Variants in PPRC1 observed in about 807,000 individuals in gnomAD.
PPRC1 encodes the protein peroxisome proliferator-activated receptor gamma coactivator-related protein 1.
Under a neutral mutation model 132.5 loss-of-function variants are expected in PPRC1, and 23 were observed. The observed-to-expected ratio is 0.17, with a 90% CI of 0.12 to 0.25. PPRC1 has a LOEUF of 0.25. Among genes scored for constraint, PPRC1 ranks in the 10% least tolerant of loss-of-function variants. The probability of loss-of-function intolerance (pLI) is 1.00; values close to 1 mark genes in which losing one functional copy is unlikely to be tolerated. For synonymous variants in PPRC1, 872 were observed against 833.5 expected, an observed-to-expected ratio of 1.05 and a Z score of -0.80; for missense variants, 2,006 against 2,089.1, an observed-to-expected ratio of 0.96 and a Z score of 0.78.
At position 102,139,428 on chromosome 10, in the gene PPRC1, A is replaced by G; in HGVS notation, c.920A>G (p.Glu307Gly). ...GATGAGAGCATCTCCTCCCTGAGTG[A>G]GCTGGTGCGGGCCATGCACCCATAC... ...AGDESISSLS[E>G]LVRAMHPYCL... The change falls in exon 5 of 14, where the codon GAG becomes GGG. Residue 307 changes from glutamate (E) to glycine (G), a missense_variant. Glu to Gly is a moderately conservative substitution (Grantham distance 98). Coordinates refer to ENST00000278070, the MANE Select transcript of PPRC1 (RefSeq NM_015062.5). 3.1e-6 allele frequency: 5 copies of G among 1,614,212 alleles called. No individual in the cohort carries two copies. The highest frequency in any genetic ancestry group is 4.2e-6 in the Non-Finnish European group (5 of 1,180,044).
intron 1 of PPRC1, among the ~76,000 whole-genome samples, chr10:102,134,333 C>G (rs992983785): frequency 6.6e-6 from 1 of 152,058 alleles, no homozygotes; most frequent in Non-Finnish European, 1.5e-5. Flanking sequence ...GAGAACTGTT[C>G]AACATGTTCA....
In PPRC1 at chr10:102,148,471, A is replaced by T. The variant is rs1387352153; in HGVS notation, c.4500A>T (p.Arg1500=). The part of the protein sequence containing the change: ...SSSSSSSSSS[R]SRSRSPSPRR... The stretch of plus-strand genomic sequence containing the variant: ...CCTCATCCTCATCATCCAGTTCTCG[A>T]AGCCGCTCACGATCCCCATCCCCCC... The change falls in exon 10 of 14, where the codon CGA becomes CGT. Residue 1500 remains arginine (R), a synonymous_variant. Transcript: ENST00000278070. The surrounding 1 kb of genome is among the most constrained non-coding windows in gnomAD (Gnocchi z 4.2). 4 of 1,612,992 alleles carry T rather than the reference A, an allele frequency of 2.5e-6. No individual in the cohort carries two copies. The highest frequency in any genetic ancestry group is 1.7e-5 in the Admixed American group (1 of 60,018).
chr10:102,147,441 ACTT>A lies in PPRC1; in HGVS notation c.4400+52_4400+54del, dbSNP rs760253123. 10 of 1,531,170 alleles carry A rather than the reference ACTT, an allele frequency of 6.5e-6. No individual in the cohort carries two copies. The South Asian group carries it at 1.2e-4, about 19-fold the overall frequency. 94.8% of individuals were successfully genotyped at this position (1,531,170 alleles called of 1,614,324 possible). A position where few individuals can be genotyped will look rare whatever the true frequency, so the allele number is the denominator to read the frequency against. On this transcript the variant is annotated intron_variant, in intron 9 of 13. Transcript: ENST00000278070. ...TCCTCTCCATTTAGGAAGTTCACGT[ACTT>A]CTGTGGTTTACTTTGAAAGCTTTTA... is the stretch of plus-strand genomic sequence containing the variant.
At chr10:102,132,581 G>A (rs1481075471), upstream of PPRC1, among the ~76,000 whole-genome samples, 1 of 152,240 alleles carries the variant, frequency 6.6e-6, no homozygotes, top group African/African-American at 2.4e-5. Flanking sequence ...TTGCAGTACT[G>A]CCGCAATATG....
upstream of PPRC1, among the ~76,000 whole-genome samples, chr10:102,132,270 C>G (rs2815402): frequency 0.56 from 85,468 of 152,160 alleles, 27,068 homozygotes; most frequent in African/African-American, 0.87. Flanking sequence ...TTAAAAATAG[C>G]AAATATGAAG....
At chr10:102,138,508 C>T in intron 2 of PPRC1, 111 bp from the exon 3 acceptor site, 1 of 1,318,526 alleles carries the variant, frequency 7.6e-7, no homozygotes, top group Non-Finnish European at 1.0e-6. Flanking sequence ...TCTCGCTGCC[C>T]CATTAGCTGA....
At chr10:102,143,194 A>T in intron 6 of PPRC1, 96 bp downstream of exon 6, 1 of 1,183,760 alleles carries the variant, frequency 8.4e-7, no homozygotes, top group South Asian at 1.3e-5. Flanking sequence ...GAGAGGGGAC[A>T]GCCTTAGCCA....
At chr10:102,120,435 G>A in the PPRC1 span, 1 of 975,962 alleles carries the variant, frequency 1.0e-6, no homozygotes, top group Non-Finnish European at 1.2e-6. Context: ...GTCGCCGAGC[G>A]CCCCCCTCTC....
chr10:102,139,890 A>G lies in PPRC1; in HGVS notation c.1382A>G (p.Lys461Arg). 6.2e-7 allele frequency: 1 copy of G among 1,614,174 alleles called. No homozygotes were observed. Among genetic ancestry groups the G allele is most frequent in the Non-Finnish European group, 8.5e-7 (1 of 1,179,986 alleles). The part of the protein sequence containing the change: ...PGSQRARKGR[K>R]KKSKEQPAAC... ...TCCCAGAGAGCTCGAAAGGGCAGGA[A>G]GAAGAAGAGCAAGGAGCAGCCAGCA... The change falls in exon 5 of 14, where the codon AAG becomes AGG. Residue 461 changes from lysine to arginine, a missense_variant. Lys to Arg is a conservative substitution (Grantham distance 26). Transcript: ENST00000278070.
chr10:102,128,752 C>G (rs2068498966), upstream of PPRC1, among the ~76,000 whole-genome samples: 2 of 150,168 alleles, frequency 1.3e-5, no homozygotes, highest in African/African-American at 4.9e-5. Context: ...GTAGCTGGCA[C>G]TACAGGCACC....
At position 102,143,106 on chromosome 10, in the gene PPRC1, A is replaced by G. The variant is rs2069067796; in HGVS notation, c.3550+8A>G. On this transcript the variant is annotated splice_region_variant and intron_variant, in intron 6 of 13. Transcript: ENST00000278070. ...AGTTTGAGAAATCAGAAGGTGAGGGAACATGGGTAGTTTTGCTCCAACTCT... is the reference window on the plus strand; with the variant it reads ...AGTTTGAGAAATCAGAAGGTGAGGGGACATGGGTAGTTTTGCTCCAACTCT... 1.9e-6 allele frequency: 3 copies of G among 1,611,242 alleles called. No individual in the cohort carries two copies. Among genetic ancestry groups the G allele is most frequent in the Non-Finnish European group, 1.7e-6 (2 of 1,177,460 alleles).
chr10:102,146,715 C>T lies in PPRC1; in HGVS notation c.3723C>T (p.Pro1241=), dbSNP rs2069260742. The T allele has an allele frequency of 1.9e-6, 3 of 1,613,796 alleles. No homozygotes were observed. The highest frequency in any genetic ancestry group is 2.5e-6 in the Non-Finnish European group (3 of 1,179,894). Residue 1241 remains proline, a synonymous_variant, in exon 9 of 14, where the codon CCC becomes CCT. Coordinates refer to ENST00000278070, the MANE Select transcript of PPRC1 (RefSeq NM_015062.5). ...CCCCTCCCCACCAGTTATGGAAGCC[C>T]CTGGCTGCTGTCTCACTGCTGGCCA... is the stretch of plus-strand genomic sequence containing the variant. ...PATPPHQLWK[P]LAAVSLLAKA...
intron 8 of PPRC1, 106 bp downstream of exon 8, chr10:102,145,196 A>G (rs1017156656): frequency 1.8e-6 from 2 of 1,081,226 alleles, no homozygotes; most frequent in Non-Finnish European, 2.7e-6. Flanking sequence ...TAGAGATCTG[A>G]TCTCCAGCCT....
the PPRC1 span, among the ~76,000 whole-genome samples, chr10:102,126,711 G>A: frequency 0.095 from 14,382 of 151,556 alleles, 969 homozygotes; most frequent in African/African-American, 0.19. Context: ...CGCCTGCCTC[G>A]GCCTCCCAAA....
chr10:102,141,712 C>G lies in PPRC1; in HGVS notation c.3204C>G (p.His1068Gln), dbSNP rs1228138148. Residue 1068 changes from histidine to glutamine, a missense_variant, in exon 5 of 14, where the codon CAC (histidine) becomes CAG (glutamine). His to Gln is a conservative substitution (Grantham distance 24). Around this residue, in one of 2 missense-constraint regions of PPRC1, gnomAD observed 1,914 missense variants for 1,917.2 expected, o/e 1.00. Transcript: ENST00000278070. ...TGCCTGCATCTCCCCATCCGAAACA[C>G]AAGGTGTCTGCCCTGGTGCAAAGTC... ...KPVPASPHPK[H>Q]KVSALVQSPQ... 1 of 1,614,032 alleles carries G rather than the reference C, an allele frequency of 6.2e-7. No homozygotes were observed. The highest frequency in any genetic ancestry group is 2.2e-5 in the East Asian group (1 of 44,884).
upstream of PPRC1, among the ~76,000 whole-genome samples, chr10:102,131,422 G>A (rs549548461): frequency 1.7e-4 from 26 of 151,680 alleles, 1 homozygote; most frequent in African/African-American, 6.3e-4. Flanking sequence ...TCTAAGAAAA[G>A]GTCCAGAAAA....
chr10:102,142,277 A>G (rs1590342382), intron 5 of PPRC1, among the ~76,000 whole-genome samples: 1 of 135,816 alleles, frequency 7.4e-6, no homozygotes, highest in East Asian at 2.1e-4. Context: ...TAATTTTTCT[A>G]TTTTTAGTAG....
At chr10:102,138,558 T>C in intron 2 of PPRC1, 61 bp from the exon 3 acceptor site, 1 of 1,578,576 alleles carries the variant, frequency 6.3e-7, no homozygotes, top group South Asian at 1.2e-5. Context: ...ATCCAGTCCT[T>C]AGTGGCATAG....
the PPRC1 span, among the ~76,000 whole-genome samples, chr10:102,124,833 G>A: frequency 2.0e-5 from 3 of 151,838 alleles, no homozygotes; most frequent in African/African-American, 7.3e-5. Context: ...TGTAGAGACA[G>A]GTTTCTTGCT....
Sources: gnomAD v4.1 joint callset for allele counts (sites outside exome capture counted in the v4.1 genomes callset) on GRCh38, gnomAD v4.1.1 for gene constraint, gnomAD v4.1.1 regional missense constraint, Gnocchi (gnomAD v3.1) non-coding constraint, MANE v1.5 for transcripts, NCBI Gene and HGNC (gene_info 2026-07-23, HGNC 2026-07-21) for gene names.